Variants in SGCD observed in about 807,000 individuals in gnomAD.
SGCD encodes delta-sarcoglycan.
A neutral mutation model predicts 36.6 loss-of-function variants in SGCD; 18 were observed. The observed-to-expected ratio is 0.49, with a 90% CI of 0.34 to 0.73. The LOEUF is 0.73. Among genes scored for constraint, SGCD ranks in the 30% least tolerant of loss-of-function variants. The pLI is 0.01. For synonymous variants in SGCD, 133 were observed against 130.6 expected (o/e 1.02, Z -0.12); for missense variants, 387 against 346.7 (o/e 1.12, Z -0.92).
chr5:156,753,844 G>A (rs1169340859), intron 7 of SGCD, among the ~76,000 whole-genome samples: 2 of 152,108 alleles, frequency 1.3e-5, no homozygotes, highest in Admixed American at 6.5e-5. Flanking sequence ...TGGGGATTAT[G>A]GGAACTACAA....
chr5:156,313,709 A>G (rs1767446364), intron 3 of SGCD, among the ~76,000 whole-genome samples: 1 of 152,096 alleles, frequency 6.6e-6, no homozygotes, highest in Non-Finnish European at 1.5e-5. Context: ...TTGTTGGTTC[A>G]TAACATTTTA....
rs772102016 is a variant in SGCD, at chr5:156,765,998, A to T, written c.*6608A>T. On this transcript the variant is annotated 3_prime_UTR_variant, in exon 9 of 9. Coordinates refer to ENST00000337851, the MANE Select transcript of SGCD (RefSeq NM_000337.6). The stretch of plus-strand genomic sequence containing the variant: ...TAATAGAATCTAGAACAACAACAAA[A>T]ATATTAATTTTTTCTGTGTATGCTT... The T allele has an allele frequency of 2.6e-5, 4 of 152,028 alleles. No individual in the cohort carries two copies. In the South Asian group the frequency reaches 8.3e-4, roughly 32 times the overall value. The allele number at this position is 152,028 out of a possible 1,614,324, so 9.4% of individuals were successfully genotyped here. A position where few individuals can be genotyped will look rare whatever the true frequency, so the allele number is the denominator to read the frequency against.
chr5:156,091,254 A>G (rs530419771), intron 1 of SGCD, among the ~76,000 whole-genome samples: 1 of 152,370 alleles, frequency 6.6e-6, no homozygotes, highest in African/African-American at 2.4e-5. Flanking sequence ...TTGGGAACTA[A>G]TAAATGTCCA....
chr5:156,525,383 G>T (rs1757602563), intron 4 of SGCD, among the ~76,000 whole-genome samples: 1 of 152,052 alleles, frequency 6.6e-6, no homozygotes, highest in Non-Finnish European at 1.5e-5. Flanking sequence ...TTGGAAAAAG[G>T]TTTATTCAGG....
At chr5:156,603,775 T>C (rs1295101231) in intron 6 of SGCD, among the ~76,000 whole-genome samples, 2 of 152,074 alleles carry the variant, frequency 1.3e-5, no homozygotes, top group Admixed American at 6.5e-5. Context: ...CTTGATATAA[T>C]CTTTATCTTC....
At chr5:156,078,399 G>A (rs139598149) in intron 1 of SGCD, among the ~76,000 whole-genome samples, 1 of 151,234 alleles carries the variant, frequency 6.6e-6, no homozygotes, top group Non-Finnish European at 1.5e-5. Context: ...TGTAATCCCA[G>A]CTACTCAGGA....
intron 3 of SGCD, among the ~76,000 whole-genome samples, chr5:156,494,415 A>G (rs1448971607): frequency 6.6e-6 from 1 of 151,270 alleles, no homozygotes; most frequent in Non-Finnish European, 1.5e-5. Context: ...GGTCTAAACA[A>G]TAGTGTCTAT....
At chr5:155,962,168 C>A (rs1443781700) in intron 1 of SGCD, among the ~76,000 whole-genome samples, 2 of 151,952 alleles carry the variant, frequency 1.3e-5, no homozygotes, top group Non-Finnish European at 2.9e-5. Context: ...AATTTGAACC[C>A]AAATCTGTCT....
rs376563100 is a variant in SGCD at position 156,526,588 on chromosome 5, G to A, written c.294+17886G>A. 2.1e-4 allele frequency among the ~76,000 whole-genome samples: 32 copies of A among 152,200 alleles called. No homozygotes were observed. In the South Asian group the frequency reaches 2.3e-3, roughly 11 times the overall value. ...AGAAGGGTGCATTAGGCCTCTTTGC[G>A]TTTCTTTGCTCACACATAAATTATG... On this transcript the variant is annotated intron_variant, in intron 4 of 8. Transcript: ENST00000337851.
At chr5:155,896,472 C>CAAA (rs34729768) in intron 1 of SGCD, among the ~76,000 whole-genome samples, 1 of 125,156 alleles carries the variant, frequency 8.0e-6, no homozygotes. Context: ...CCTGTCTCTA[C>CAAA]AAAAAAAAAA....
chr5:156,576,739 G>C (rs759667511), intron 4 of SGCD, among the ~76,000 whole-genome samples: 52 of 152,130 alleles, frequency 3.4e-4, no homozygotes, highest in Middle Eastern at 3.4e-3. Flanking sequence ...AAAAGTGTCT[G>C]TTCATATCCT....
At chr5:156,480,823 G>C (rs1477716910) in intron 3 of SGCD, among the ~76,000 whole-genome samples, 1 of 152,126 alleles carries the variant, frequency 6.6e-6, no homozygotes, top group East Asian at 1.9e-4. Context: ...ATTAAGGAAC[G>C]TGCTCAATGG....
At chr5:155,876,726 A>G (rs1290484724) in intron 1 of SGCD, among the ~76,000 whole-genome samples, 1 of 152,090 alleles carries the variant, frequency 6.6e-6, no homozygotes, top group African/African-American at 2.4e-5. Flanking sequence ...GGGCATTAAA[A>G]TGGCATTTCG....
At chr5:155,951,598 T>G (rs544154320) in intron 1 of SGCD, among the ~76,000 whole-genome samples, 2 of 152,298 alleles carry the variant, frequency 1.3e-5, no homozygotes, top group Non-Finnish European at 2.9e-5. Context: ...ATGTGAAAAT[T>G]CATCAAGATG....
intron 3 of SGCD, among the ~76,000 whole-genome samples, chr5:156,383,417 T>C (rs1771101754): frequency 6.6e-6 from 1 of 151,950 alleles, no homozygotes; most frequent in African/African-American, 2.4e-5. Context: ...GACAGGAGAA[T>C]CACTCGAACC....
At chr5:156,347,265 C>G (rs1468045137) in intron 3 of SGCD, among the ~76,000 whole-genome samples, 1 of 152,052 alleles carries the variant, frequency 6.6e-6, no homozygotes, top group Admixed American at 6.6e-5. Context: ...GTCCATTTGG[C>G]CTTAAGTCCC....
intron 3 of SGCD, among the ~76,000 whole-genome samples, chr5:156,507,361 G>T (rs1756746378): frequency 6.6e-6 from 1 of 152,156 alleles, no homozygotes; most frequent in African/African-American, 2.4e-5. Context: ...GAGCCAGAAA[G>T]AGAAAGGAAA....
At chr5:156,355,879 T>G (rs1425764170) in intron 3 of SGCD, among the ~76,000 whole-genome samples, 1 of 152,196 alleles carries the variant, frequency 6.6e-6, no homozygotes, top group African/African-American at 2.4e-5. Context: ...TCAAGTGATT[T>G]GCCTGCCTCG....
At chr5:156,418,642 G>A (rs1333499114) in intron 3 of SGCD, among the ~76,000 whole-genome samples, 5 of 152,166 alleles carry the variant, frequency 3.3e-5, no homozygotes, top group Non-Finnish European at 5.9e-5. Context: ...TCTTCCACAA[G>A]GAGATGGAGG....
Sources: gnomAD v4.1 joint callset for allele counts (sites outside exome capture counted in the v4.1 genomes callset) on GRCh38, gnomAD v4.1.1 for gene constraint, MANE v1.5 for transcripts, NCBI Gene and HGNC (gene_info 2026-07-23, HGNC 2026-07-21) for gene names.